The following ADGRB3 variants were observed in gnomAD, a reference collection of about 807,000 sequenced individuals.
ADGRB3 encodes the protein brain-specific angiogenesis inhibitor 3.
ADGRB3 carries 37 observed loss-of-function variants against 193.4 expected under a neutral mutation model. The observed-to-expected ratio is 0.19, with a 90% CI of 0.15 to 0.25. ADGRB3 has a LOEUF of 0.25. Among genes scored for constraint, ADGRB3 ranks in the 10% least tolerant of loss-of-function variants. ADGRB3 has a pLI of 1.00. For missense variants in ADGRB3, 1,637 were observed against 1,852.9 expected (o/e 0.88, Z 2.14); for synonymous variants, 690 against 644.2 (o/e 1.07, Z -1.08).
At chr6:69,344,842 G>A in intron 26 of ADGRB3, among the ~76,000 whole-genome samples, 1 of 152,130 alleles carries the variant, frequency 6.6e-6, no homozygotes, top group East Asian at 1.9e-4. Context: ...GGGAAGTGAA[G>A]GTTTCTGGTA....
At chr6:69,154,563 C>G (rs140096045) in intron 17 of ADGRB3, among the ~76,000 whole-genome samples, 1 of 152,168 alleles carries the variant, frequency 6.6e-6, no homozygotes, top group African/African-American at 2.4e-5. Context: ...TCATATACTT[C>G]CTCCTTTGCC....
chr6:68,767,747 A>G (rs1766538046), intron 3 of ADGRB3, among the ~76,000 whole-genome samples: 1 of 152,138 alleles, frequency 6.6e-6, no homozygotes, highest in African/African-American at 2.4e-5. Flanking sequence ...GAGGAAGTCA[A>G]ATTGTCTCTG....
At chr6:69,008,817 G>T (rs3799004) in intron 11 of ADGRB3, among the ~76,000 whole-genome samples, 1 of 152,142 alleles carries the variant, frequency 6.6e-6, no homozygotes, top group East Asian at 1.9e-4. Flanking sequence ...CAAGGATGAT[G>T]TTGAGTCTTC....
At chr6:68,905,109 C>T (rs1158691263) in intron 3 of ADGRB3, among the ~76,000 whole-genome samples, 1 of 152,008 alleles carries the variant, frequency 6.6e-6, no homozygotes, top group Non-Finnish European at 1.5e-5. Context: ...GGGACTGTTA[C>T]CTATATCTCA....
intron 13 of ADGRB3, among the ~76,000 whole-genome samples, chr6:69,039,252 G>GA (rs34473584): frequency 0.024 from 3,309 of 135,526 alleles, 109 homozygotes; most frequent in African/African-American, 0.081. Context: ...AATAAGGAAA[G>GA]AAAAAAAAAA....
chr6:68,824,591 T>C (rs1274710084), intron 3 of ADGRB3, among the ~76,000 whole-genome samples: 1 of 148,286 alleles, frequency 6.7e-6, no homozygotes, highest in Non-Finnish European at 1.5e-5. Context: ...AATACATATG[T>C]ATAATCATGC....
At chr6:68,888,160 A>G (rs546105511) in intron 3 of ADGRB3, among the ~76,000 whole-genome samples, 4 of 152,298 alleles carry the variant, frequency 2.6e-5, no homozygotes, top group East Asian at 1.9e-4. Flanking sequence ...AGTGGAGCTC[A>G]TGGAACAATC....
chr6:68,772,894 A>AAAAAAT (rs1466813173), intron 3 of ADGRB3, among the ~76,000 whole-genome samples: 9 of 22,868 alleles, frequency 3.9e-4, no homozygotes, highest in African/African-American at 9.8e-4. Context: ...AAAAAAAAAA[A>AAAAAAT]ATATATATAT....
chr6:69,345,524 T>A (rs1769065558), intron 26 of ADGRB3, among the ~76,000 whole-genome samples: 1 of 152,180 alleles, frequency 6.6e-6, no homozygotes, highest in Non-Finnish European at 1.5e-5. Flanking sequence ...TCTCAATAGA[T>A]GCAGAAAAGG....
chr6:69,031,561 T>TTCTTTCTTTCTTTCTTTCTCTCTCTC (rs1170990937), intron 13 of ADGRB3, among the ~76,000 whole-genome samples: 6 of 133,846 alleles, frequency 4.5e-5, no homozygotes, highest in Non-Finnish European at 8.1e-5. Flanking sequence ...TTTTCTTTCT[T>TTCTTTCTTTCTTTCTTTCTCTCTCTC]TCTTTTCTTC....
intron 17 of ADGRB3, among the ~76,000 whole-genome samples, chr6:69,143,332 G>T (rs1774392824): frequency 6.6e-6 from 1 of 151,740 alleles, no homozygotes; most frequent in Admixed American, 6.6e-5. Flanking sequence ...TCATTCTTTG[G>T]GTTGTCTCTT....
intron 13 of ADGRB3, among the ~76,000 whole-genome samples, chr6:69,035,085 ACTCATGAAT>A (rs1770829086): frequency 6.6e-6 from 1 of 151,944 alleles, no homozygotes; most frequent in Non-Finnish European, 1.5e-5. Flanking sequence ...CCAATGATAA[ACTCATGAAT>A]TTCTACTATA....
chr6:68,895,607 C>A (rs927146951), intron 3 of ADGRB3, among the ~76,000 whole-genome samples: 1 of 151,916 alleles, frequency 6.6e-6, no homozygotes, highest in Non-Finnish European at 1.5e-5. Flanking sequence ...AGTCTTGAAA[C>A]TTGATATTAG....
chr6:69,186,178 C>CAAAAAAAA (rs70987457), intron 17 of ADGRB3, among the ~76,000 whole-genome samples: 5 of 107,422 alleles, frequency 4.7e-5, no homozygotes, highest in African/African-American at 1.6e-4. Context: ...AATGAAATAG[C>CAAAAAAAA]AAAAAAAAAA....
intron 10 of ADGRB3, among the ~76,000 whole-genome samples, chr6:68,977,472 C>A (rs1220153147): frequency 6.6e-6 from 1 of 152,070 alleles, no homozygotes; most frequent in Non-Finnish European, 1.5e-5. Flanking sequence ...AGAAAATTTT[C>A]ACTTTCCAAA....
chr6:68,689,895 G>T (rs1765042834), intron 3 of ADGRB3, among the ~76,000 whole-genome samples: 1 of 152,048 alleles, frequency 6.6e-6, no homozygotes, highest in Non-Finnish European at 1.5e-5. Flanking sequence ...ACATTTTCAA[G>T]CCTGCTGAGA....
In ADGRB3 at chr6:68,929,858, A is replaced by T. The variant is rs1316859830; in HGVS notation, c.758-701A>T. Among the ~76,000 whole-genome samples the T allele has an allele frequency of 2.6e-5, 4 of 151,990 alleles. No individual in the cohort carries two copies. The East Asian group carries it at 7.7e-4, about 29-fold the overall frequency. ...GACATTTTTTTTCTGCCTTTCTTGAAAGTTCTACTATCAAATAATCAAATA... is the reference window on the plus strand; with the variant it reads ...GACATTTTTTTTCTGCCTTTCTTGATAGTTCTACTATCAAATAATCAAATA... On this transcript the variant is annotated intron_variant, in intron 3 of 31. Coordinates refer to ENST00000370598, the MANE Select transcript of ADGRB3 (RefSeq NM_001704.3).
At chr6:68,956,585 A>T (rs1027693550) in intron 7 of ADGRB3, 60 bp from the exon 8 acceptor site, 55 of 1,593,124 alleles carry the variant, frequency 3.5e-5, no homozygotes, top group Non-Finnish European at 4.6e-5. Flanking sequence ...CTCAGATTTT[A>T]AAATTTTTAA....
At chr6:68,985,306 C>A (rs557363582) in intron 10 of ADGRB3, among the ~76,000 whole-genome samples, 1 of 152,132 alleles carries the variant, frequency 6.6e-6, no homozygotes, top group African/African-American at 2.4e-5. Flanking sequence ...TTGAAAAGTG[C>A]TCTTTGTGAT....
Sources: gnomAD v4.1 joint callset for allele counts (sites outside exome capture counted in the v4.1 genomes callset) on GRCh38, gnomAD v4.1.1 for gene constraint, MANE v1.5 for transcripts, NCBI Gene and HGNC (gene_info 2026-07-23, HGNC 2026-07-21) for gene names.